SLC66A2: variants seen among roughly 807,000 people sequenced by gnomAD.
SLC66A2 encodes PQ loop repeat containing 1.
A neutral mutation model predicts 25.5 loss-of-function variants in SLC66A2; 23 were observed. The observed-to-expected ratio is 0.90, with a 90% CI of 0.65 to 1.28. The LOEUF is 1.28. Among genes scored for constraint, SLC66A2 ranks in the 50% most tolerant of loss-of-function variants. The pLI, the probability that SLC66A2 is intolerant of heterozygous loss-of-function variation, is 0.00. For missense variants in SLC66A2, 396 were observed against 373.1 expected (o/e 1.06, Z -0.51); for synonymous variants, 193 against 166.5 (o/e 1.16, Z -1.23).
chr18:79,928,872 T>A (rs1986273876), intron 4 of SLC66A2, among the ~76,000 whole-genome samples: 1 of 152,082 alleles, frequency 6.6e-6, no homozygotes, highest in African/African-American at 2.4e-5. Flanking sequence ...GCTTGCTCAC[T>A]GGGAGAGGTT....
rs1219252865 is a variant in SLC66A2, at chr18:79,904,347, G to A, written c.609-164C>T. Among the ~76,000 whole-genome samples the A allele has an allele frequency of 1.3e-5, 2 of 151,684 alleles. No individual in the cohort carries two copies. Among genetic ancestry groups the A allele is most frequent in the African/African-American group, 4.8e-5 (2 of 41,294 alleles). On this transcript the variant is annotated intron_variant, in intron 5 of 5. Coordinates refer to ENST00000397778, the MANE Select transcript of SLC66A2 (RefSeq NM_025078.5). This position sits in a 1 kb window ranked among gnomAD's most constrained non-coding sequence, Gnocchi z 6.3. ...CGGCGGGGAGGCCTGGGGCTCAGGG[G>A]GCACCCAGGGGGTTGAGGGGACACC...
At chr18:79,942,465 C>T (rs9962994) in intron 3 of SLC66A2, among the ~76,000 whole-genome samples, 3,157 of 152,196 alleles carry the variant, frequency 0.021, 116 homozygotes, top group African/African-American at 0.071. Context: ...GACGAAGTAG[C>T]GGTCAGGAAT....
intron 2 of SLC66A2, among the ~76,000 whole-genome samples, chr18:79,946,164 C>T (rs561816424): frequency 6.6e-6 from 1 of 152,236 alleles, no homozygotes; most frequent in African/African-American, 2.4e-5. Context: ...TCGATATGCA[C>T]AGTAAAGAAT....
Position 79,904,285 on chromosome 18 carries a change from A to C in SLC66A2, c.609-102T>G, listed in dbSNP as rs1022407157. The stretch of plus-strand genomic sequence containing the variant: ...TAGACAGCGGGGAGACCTGGGGCTC[A>C]GGGGCACCCAGGGGGCTAAGGGGAC... On this transcript the variant is annotated intron_variant, in intron 5 of 5. Coordinates refer to ENST00000397778, the MANE Select transcript of SLC66A2 (RefSeq NM_025078.5). The surrounding 1 kb of genome is among the most constrained non-coding windows in gnomAD (Gnocchi z 6.3). 17 of 1,025,340 alleles carry C rather than the reference A, an allele frequency of 1.7e-5. No homozygotes were observed. In the African/African-American group the frequency reaches 2.7e-4, roughly 17 times the overall value. The allele number at this position is 1,025,340 out of a possible 1,614,324, so 63.5% of individuals were successfully genotyped here. A position where few individuals can be genotyped will look rare whatever the true frequency, so the allele number is the denominator to read the frequency against.
At chr18:79,912,026 A>AAGGGGACAGGAGCAGGG (rs1310430002) in intron 5 of SLC66A2, among the ~76,000 whole-genome samples, 4 of 125,876 alleles carry the variant, frequency 3.2e-5, no homozygotes, top group African/African-American at 1.2e-4. Flanking sequence ...CAGCAGCAGG[A>AAGGGGACAGGAGCAGGG]AGGGGACAGG....
chr18:79,927,413 G>A lies in SLC66A2; in HGVS notation c.391+6556C>T, dbSNP rs1345462211. ...GACAAGAGGCCCCCGAGGCCACCAG[G>A]GCCGACTTTTACTTTATCCTAAGGA... On this transcript the variant is annotated intron_variant, in intron 4 of 5. Coordinates refer to ENST00000397778, the MANE Select transcript of SLC66A2 (RefSeq NM_025078.5). The surrounding 1 kb of genome is among the most constrained non-coding windows in gnomAD (Gnocchi z 6.2). Among the ~76,000 whole-genome samples, 1 of 152,182 alleles carries A rather than the reference G, an allele frequency of 6.6e-6. No homozygotes were observed. Among genetic ancestry groups the A allele is most frequent in the East Asian group, 1.9e-4 (1 of 5,188 alleles).
At chr18:79,943,238 G>C in intron 3 of SLC66A2, 91 bp downstream of exon 3, 2 of 1,456,676 alleles carry the variant, frequency 1.4e-6, no homozygotes, top group Non-Finnish European at 1.8e-6. Context: ...AAAGCTGCTT[G>C]GATCAGGACA....
At chr18:79,947,622 C>T (rs1345915315) in intron 2 of SLC66A2, among the ~76,000 whole-genome samples, 1 of 4,650 alleles carries the variant, frequency 2.2e-4, no homozygotes, top group Non-Finnish European at 2.6e-3. Flanking sequence ...CCCTTCTCAC[C>T]GGAGCCTGCC....
rs1420636471 is a variant in SLC66A2, at chr18:79,951,043, C to T, written c.-99-18G>A. ...CTCGGGGCCTGCGGGGAGCGGGGAG[C>T]TGCTCGAGTTCCGCCCAGGGAGGCT... On this transcript the variant is annotated intron_variant, in intron 1 of 5. Coordinates refer to ENST00000397778, the MANE Select transcript of SLC66A2 (RefSeq NM_025078.5). 1.4e-6 allele frequency: 1 copy of T among 728,942 alleles called. No individual in the cohort carries two copies. Among genetic ancestry groups the T allele is most frequent in the Non-Finnish European group, 1.9e-6 (1 of 516,488 alleles). The allele number at this position is 728,942 out of a possible 1,614,324, so 45.2% of individuals were successfully genotyped here.
chr18:79,914,220 T>G (rs1232399332), intron 5 of SLC66A2, among the ~76,000 whole-genome samples: 1 of 152,244 alleles, frequency 6.6e-6, no homozygotes, highest in Non-Finnish European at 1.5e-5. Context: ...CTTGGTTTTT[T>G]GGGTATCTGT....
At chr18:79,907,513 C>A (rs10401106) in intron 5 of SLC66A2, among the ~76,000 whole-genome samples, 5 of 151,664 alleles carry the variant, frequency 3.3e-5, no homozygotes, top group Admixed American at 2.0e-4. Flanking sequence ...CACCACACTC[C>A]GCTAATGTTT....
rs1027007213 is a variant in SLC66A2 at position 79,917,140 on chromosome 18, A to G, written c.608+2044T>C. On this transcript the variant is annotated intron_variant, in intron 5 of 5. Transcript: ENST00000397778. This position sits in a 1 kb window ranked among gnomAD's most constrained non-coding sequence, Gnocchi z 6.0. Reference sequence around the variant, plus strand: ...GTTTCTGGAGCCTTCCCCGTGTGTGAGAAGAGCAGACCTCAGGGCCTAAGA... The same window carrying G: ...GTTTCTGGAGCCTTCCCCGTGTGTGGGAAGAGCAGACCTCAGGGCCTAAGA... Among the ~76,000 whole-genome samples, 3 of 152,240 alleles carry G rather than the reference A, an allele frequency of 2.0e-5. No individual in the cohort carries two copies. The highest frequency in any genetic ancestry group is 4.4e-5 in the Non-Finnish European group (3 of 68,028).
chr18:79,924,065 C>T (rs1398420904), intron 4 of SLC66A2, among the ~76,000 whole-genome samples: 2 of 150,698 alleles, frequency 1.3e-5, no homozygotes, highest in African/African-American at 4.9e-5. Flanking sequence ...CACTGGCGAG[C>T]TTAACCGTAC....
At chr18:79,919,528 G>A (rs1415448190) in intron 4 of SLC66A2, 128 bp from the exon 5 acceptor site, 2 of 554,678 alleles carry the variant, frequency 3.6e-6, no homozygotes, top group Non-Finnish European at 6.6e-6. Flanking sequence ...CGAGGGAGAG[G>A]TCAAGGTCAG....
At chr18:79,946,839 G>A (rs1011112294) in intron 2 of SLC66A2, among the ~76,000 whole-genome samples, 8 of 152,264 alleles carry the variant, frequency 5.3e-5, no homozygotes, top group South Asian at 2.1e-4. Flanking sequence ...GGCAGTGGGC[G>A]CCTGTAATCC....
chr18:79,914,226 T>C (rs781411593), intron 5 of SLC66A2, among the ~76,000 whole-genome samples: 8 of 152,216 alleles, frequency 5.3e-5, no homozygotes, highest in Admixed American at 1.3e-4. Flanking sequence ...TTTTTGGGTA[T>C]CTGTTAAGTA....
intron 3 of SLC66A2, among the ~76,000 whole-genome samples, chr18:79,936,491 C>T (rs1475068012): frequency 6.6e-6 from 1 of 152,190 alleles, no homozygotes; most frequent in African/African-American, 2.4e-5. Flanking sequence ...AGGACATCTT[C>T]AGCACCCCAA....
intron 3 of SLC66A2, 138 bp downstream of exon 3, chr18:79,943,191 C>G: frequency 9.6e-7 from 1 of 1,042,368 alleles, no homozygotes; most frequent in Non-Finnish European, 1.4e-6. Flanking sequence ...ACTGAAAACA[C>G]TATCAGCTGG....
chr18:79,946,167 T>C (rs2050919421), intron 2 of SLC66A2, among the ~76,000 whole-genome samples: 1 of 152,104 alleles, frequency 6.6e-6, no homozygotes, highest in Non-Finnish European at 1.5e-5. Context: ...ATATGCACAG[T>C]AAAGAATGAG....
Sources: gnomAD v4.1 joint callset for allele counts (sites outside exome capture counted in the v4.1 genomes callset) on GRCh38, gnomAD v4.1.1 for gene constraint, Gnocchi (gnomAD v3.1) non-coding constraint, MANE v1.5 for transcripts, NCBI Gene and HGNC (gene_info 2026-07-23, HGNC 2026-07-21) for gene names.